The following CALN1 variants were observed in gnomAD, a reference collection of about 807,000 sequenced individuals.
CALN1 encodes the protein calcium-binding protein 8.
CALN1 carries 17 observed loss-of-function variants against 30.6 expected under a neutral mutation model. The observed-to-expected ratio is 0.56, with a 90% CI of 0.38 to 0.83. CALN1 has a LOEUF of 0.83. CALN1 is among the 40% of genes least tolerant of loss of function. The pLI, the probability that CALN1 is intolerant of heterozygous loss-of-function variation, is 0.00. For synonymous variants in CALN1, 156 were observed against 131.4 expected (o/e 1.19, Z -1.28); for missense variants, 291 against 354.9 (o/e 0.82, Z 1.45).
upstream of CALN1, among the ~76,000 whole-genome samples, chr7:72,450,262 T>G (rs1177565176): frequency 6.6e-6 from 1 of 152,154 alleles, no homozygotes; most frequent in Non-Finnish European, 1.5e-5. Context: ...ACATGCAATT[T>G]CTTGTCCTCC....
Position 71,784,487 on chromosome 7 carries a change from C to T in CALN1, c.*3288G>A, listed in dbSNP as rs775986942. Reference sequence around the variant, plus strand: ...CCCAAGCACATTCTGGAAGCCATTGCTAATAGTCCCGATGCTAGATTCTGT... The same window carrying T: ...CCCAAGCACATTCTGGAAGCCATTGTTAATAGTCCCGATGCTAGATTCTGT... On this transcript the variant is annotated 3_prime_UTR_variant, in exon 7 of 7. Coordinates refer to ENST00000395275, the MANE Select transcript of CALN1 (RefSeq NM_031468.4). 5.3e-5 allele frequency: 13 copies of T among 243,836 alleles called. No homozygotes were observed. The highest frequency in any genetic ancestry group is 8.6e-5 in the Non-Finnish European group (11 of 128,044). 15.1% of individuals were successfully genotyped at this position (243,836 alleles called of 1,614,324 possible).
At chr7:72,232,339 T>C (rs1794165087) in intron 3 of CALN1, among the ~76,000 whole-genome samples, 1 of 152,164 alleles carries the variant, frequency 6.6e-6, no homozygotes, top group Non-Finnish European at 1.5e-5. Flanking sequence ...GCATTGTACG[T>C]GATAATACTA....
At chr7:72,060,683 T>A (rs920774242) in intron 4 of CALN1, among the ~76,000 whole-genome samples, 1 of 152,168 alleles carries the variant, frequency 6.6e-6, no homozygotes, top group Admixed American at 6.5e-5. Flanking sequence ...AGATCCTTCA[T>A]AAATGGCTTG....
chr7:71,961,277 C>T (rs537743775), intron 5 of CALN1, among the ~76,000 whole-genome samples: 136 of 152,282 alleles, frequency 8.9e-4, no homozygotes, highest in African/African-American at 3.2e-3. Flanking sequence ...CAATAGCAAA[C>T]AAGACAGACA....
intron 5 of CALN1, among the ~76,000 whole-genome samples, chr7:71,902,262 AACC>A (rs759353437): frequency 0.025 from 1,965 of 79,054 alleles, 15 homozygotes; most frequent in Non-Finnish European, 0.036. Flanking sequence ...CCAACCAACC[AACC>A]AATCAAAAAA....
At chr7:72,217,207 T>C (rs962078644) in intron 3 of CALN1, among the ~76,000 whole-genome samples, 1 of 152,102 alleles carries the variant, frequency 6.6e-6, no homozygotes, top group Non-Finnish European at 1.5e-5. Flanking sequence ...GTCTCTGCTG[T>C]AGGACGTGGC....
At chr7:72,360,558 C>T (rs560147354) in intron 2 of CALN1, among the ~76,000 whole-genome samples, 5 of 150,584 alleles carry the variant, frequency 3.3e-5, no homozygotes, top group Admixed American at 2.6e-4. Flanking sequence ...TGGAATGAAA[C>T]GATAGCATTA....
At chr7:71,945,251 A>T (rs1796346521) in intron 5 of CALN1, among the ~76,000 whole-genome samples, 1 of 152,184 alleles carries the variant, frequency 6.6e-6, no homozygotes, top group African/African-American at 2.4e-5. Flanking sequence ...ATTCTTGTAC[A>T]GCCTGCAGGA....
intron 3 of CALN1, among the ~76,000 whole-genome samples, chr7:72,180,079 G>A (rs969261358): frequency 6.6e-6 from 1 of 152,292 alleles, no homozygotes; most frequent in East Asian, 1.9e-4. Flanking sequence ...TTCTTTTCAA[G>A]TCATTGACTT....
intron 2 of CALN1, among the ~76,000 whole-genome samples, chr7:72,388,932 C>G (rs967800142): frequency 2.0e-5 from 3 of 152,184 alleles, no homozygotes; most frequent in Non-Finnish European, 4.4e-5. Flanking sequence ...CCTCTCAGCT[C>G]TGTGTGGCTG....
At chr7:71,967,277 G>A (rs576369152) in intron 5 of CALN1, among the ~76,000 whole-genome samples, 5 of 152,154 alleles carry the variant, frequency 3.3e-5, no homozygotes, top group African/African-American at 1.2e-4. Flanking sequence ...AAAAATCACT[G>A]TTAAGATAAT....
the CALN1 span, among the ~76,000 whole-genome samples, chr7:72,491,306 T>G: frequency 6.6e-6 from 1 of 151,568 alleles, no homozygotes; most frequent in Non-Finnish European, 1.5e-5. Flanking sequence ...CAGTGGCTCA[T>G]GTCTGTAATT....
Position 72,175,571 on chromosome 7 carries a change from G to A in CALN1, c.245-69277C>T, listed in dbSNP as rs536452042. Among the ~76,000 whole-genome samples, 4 of 152,180 alleles carry A rather than the reference G, an allele frequency of 2.6e-5. 1 individual carries two copies. In the East Asian group the frequency reaches 5.8e-4, roughly 22 times the overall value. On this transcript the variant is annotated intron_variant, in intron 3 of 6. Coordinates refer to ENST00000395275, the MANE Select transcript of CALN1 (RefSeq NM_031468.4). ...ATTTGGAGATGGCAAACTTCATCTGGGGATAGAGAACAATTTCCTAACCAG... is the reference window on the plus strand; with the variant it reads ...ATTTGGAGATGGCAAACTTCATCTGAGGATAGAGAACAATTTCCTAACCAG...
chr7:71,981,675 A>C (rs995327753), intron 5 of CALN1, among the ~76,000 whole-genome samples: 1 of 99,364 alleles, frequency 1.0e-5, no homozygotes, highest in Non-Finnish European at 1.8e-5. Flanking sequence ...AAACAAAACC[A>C]AAAAAAAAAA....
intron 2 of CALN1, among the ~76,000 whole-genome samples, chr7:72,400,269 T>G (rs905144168): frequency 6.6e-6 from 1 of 152,148 alleles, no homozygotes; most frequent in Non-Finnish European, 1.5e-5. Flanking sequence ...ACTACTGATT[T>G]GATCTGGAGT....
intron 5 of CALN1, among the ~76,000 whole-genome samples, chr7:71,873,816 G>T (rs1792087237): frequency 6.6e-6 from 1 of 152,178 alleles, no homozygotes; most frequent in East Asian, 1.9e-4. Context: ...GGGGAAAAAT[G>T]ACACTATTTT....
At chr7:72,459,132 G>A in the CALN1 span, among the ~76,000 whole-genome samples, 13 of 151,750 alleles carry the variant, frequency 8.6e-5, no homozygotes, top group African/African-American at 2.9e-4. Context: ...TCAAACTCTC[G>A]ACCTCAGGTA....
At chr7:72,198,491 A>T (rs949292212) in intron 3 of CALN1, among the ~76,000 whole-genome samples, 1 of 152,168 alleles carries the variant, frequency 6.6e-6, no homozygotes, top group African/African-American at 2.4e-5. Flanking sequence ...CTTTGTCCTG[A>T]CATCGAACTC....
chr7:72,275,019 C>T (rs1797246588), intron 3 of CALN1, among the ~76,000 whole-genome samples: 1 of 152,058 alleles, frequency 6.6e-6, no homozygotes, highest in African/African-American at 2.4e-5. Context: ...ACGAAGTGCA[C>T]ACCTTTGGCC....
Sources: gnomAD v4.1 joint callset for allele counts (sites outside exome capture counted in the v4.1 genomes callset) on GRCh38, gnomAD v4.1.1 for gene constraint, MANE v1.5 for transcripts, NCBI Gene and HGNC (gene_info 2026-07-23, HGNC 2026-07-21) for gene names.